GPX6: variants seen among roughly 807,000 people sequenced by gnomAD.
GPX6 encodes glutathione peroxidase 6, also known as glutathione peroxidase 6 (olfactory).
In GPX6, 21 loss-of-function variants were observed where a neutral mutation model predicts 20.0. The ratio of observed to expected loss-of-function variants is 1.05; its 90% CI spans 0.74 to 1.51. GPX6 has a LOEUF of 1.51. GPX6 is among the 40% of genes most tolerant of loss of function. GPX6 has a pLI of 0.00. For missense variants in GPX6, 233 were observed against 254.7 expected (o/e 0.91, Z 0.58); for synonymous variants, 75 against 98.0 (o/e 0.77, Z 1.38).
chr6:28,503,938 T>C lies in GPX6; in HGVS notation c.*354A>G. 1 of 222,186 alleles carries C rather than the reference T, an allele frequency of 4.5e-6. No homozygotes were observed. The allele number at this position is 222,186 out of a possible 1,614,324, so 13.8% of individuals were successfully genotyped here. On this transcript the variant is annotated 3_prime_UTR_variant, in exon 5 of 5. Coordinates refer to ENST00000361902, the MANE Select transcript of GPX6 (RefSeq NM_182701.1). ...GGGACACAGGATAGTCTGATTCATC[T>C]ACCCTAAAATATGATTTTCCTTTGG...
chr6:28,511,487 A>T (rs1448082576), intron 1 of GPX6, among the ~76,000 whole-genome samples: 1 of 152,216 alleles, frequency 6.6e-6, no homozygotes, highest in Non-Finnish European at 1.5e-5. Context: ...GCCTGTGCCT[A>T]CGGACCTACA....
At chr6:28,512,703 T>A (rs1218770752) in intron 1 of GPX6, among the ~76,000 whole-genome samples, 1 of 152,180 alleles carries the variant, frequency 6.6e-6, no homozygotes, top group Non-Finnish European at 1.5e-5. Context: ...TTGCTGCTGC[T>A]CATTCTTGGG....
rs182964432 is a variant in GPX6 at position 28,504,196 on chromosome 6, C to T, written c.*96G>A. ...TGGTCATCAGGAGGCTGGGTAGGCA[C>T]GAGTGTGGAGCAAAGAAGGAGGAAG... is the stretch of plus-strand genomic sequence containing the variant. On this transcript the variant is annotated 3_prime_UTR_variant, in exon 5 of 5. Transcript: ENST00000361902. The T allele has an allele frequency of 6.4e-4, 797 of 1,246,874 alleles. 2 individuals carry two copies. The highest frequency in any genetic ancestry group is 2.6e-3 in the Admixed American group (142 of 54,314). 77.2% of individuals were successfully genotyped at this position (1,246,874 alleles called of 1,614,324 possible). A position where few individuals can be genotyped will look rare whatever the true frequency, so the allele number is the denominator to read the frequency against.
Position 28,506,342 on chromosome 6 carries a change from C to G in GPX6, c.329G>C (p.Gly110Ala). 6.2e-7 allele frequency: 1 copy of G among 1,613,202 alleles called. No homozygotes were observed. Among genetic ancestry groups the G allele is most frequent in the Non-Finnish European group, 8.5e-7 (1 of 1,179,178 alleles). ...PCNQFGKQEP[G>A]TNSEILLGLK... Reference sequence around the variant, plus strand: ...ACCAAGAAGTATTTCTGAGTTTGTTCCTGGTTCTTGTTTTCCAAACTGGTT... The same window carrying G: ...ACCAAGAAGTATTTCTGAGTTTGTTGCTGGTTCTTGTTTTCCAAACTGGTT... The change falls in exon 3 of 5, where the codon GGA (glycine) becomes GCA (alanine). Residue 110 changes from glycine to alanine, a missense_variant. Physicochemically the swap from Gly to Ala is moderately conservative, Grantham distance 60. Coordinates refer to ENST00000361902, the MANE Select transcript of GPX6 (RefSeq NM_182701.1).
intron 1 of GPX6, among the ~76,000 whole-genome samples, chr6:28,513,102 A>AG (rs1443094205): frequency 6.6e-6 from 1 of 152,224 alleles, no homozygotes; most frequent in African/African-American, 2.4e-5. Flanking sequence ...GCCGGGCTCC[A>AG]GGGAAAAACC....
intron 2 of GPX6, among the ~76,000 whole-genome samples, chr6:28,510,056 G>C (rs35651056): frequency 0.018 from 2,720 of 152,304 alleles, 72 homozygotes; most frequent in African/African-American, 0.055. Flanking sequence ...TTAGCACTCT[G>C]CTAGGAAACA....
Position 28,506,348 on chromosome 6 carries a change from T to C in GPX6, c.323A>G (p.Glu108Gly), listed in dbSNP as rs777695118. 3.1e-6 allele frequency: 5 copies of C among 1,613,668 alleles called. No homozygotes were observed. Among genetic ancestry groups the C allele is most frequent in the Middle Eastern group, 1.6e-4 (1 of 6,084 alleles). Residue 108 changes from glutamate (E) to glycine (G), a missense_variant, in exon 3 of 5, where the codon GAA becomes GGA. Coordinates refer to ENST00000361902, the MANE Select transcript of GPX6 (RefSeq NM_182701.1). ...AAGTATTTCTGAGTTTGTTCCTGGT[T>C]CTTGTTTTCCAAACTGGTTGCAGGG... Reference protein sequence around the residue: ...AFPCNQFGKQEPGTNSEILLG... With the variant: ...AFPCNQFGKQGPGTNSEILLG...
chr6:28,511,017 G>T, intron 1 of GPX6, 113 bp from the exon 2 acceptor site: 1 of 870,088 alleles, frequency 1.1e-6, no homozygotes, highest in Non-Finnish European at 1.6e-6. Context: ...GAAATTCTAA[G>T]AACTGAAGGG....
At chr6:28,510,148 C>T (rs1762847145) in intron 2 of GPX6, among the ~76,000 whole-genome samples, 1 of 152,226 alleles carries the variant, frequency 6.6e-6, no homozygotes, top group African/African-American at 2.4e-5. Context: ...AACAAGGCCA[C>T]TGCATAATTG....
intron 1 of GPX6, among the ~76,000 whole-genome samples, chr6:28,513,858 T>C (rs1762974089): frequency 6.6e-6 from 1 of 152,146 alleles, no homozygotes; most frequent in African/African-American, 2.4e-5. Flanking sequence ...AAGAAACTCT[T>C]TATCATCTTC....
chr6:28,505,927 A>T (rs1440633772), intron 3 of GPX6, 125 bp from the exon 4 acceptor site: 3 of 707,200 alleles, frequency 4.2e-6, no homozygotes, highest in African/African-American at 3.6e-5. Context: ...CACAGGGAAG[A>T]TAAGAAAAGA....
At chr6:28,513,459 C>T (rs144145810) in intron 1 of GPX6, among the ~76,000 whole-genome samples, 61 of 152,236 alleles carry the variant, frequency 4.0e-4, no homozygotes, top group African/African-American at 1.3e-3. Context: ...ACTGAAGCAG[C>T]GAGCCACACG....
chr6:28,510,889 C>A lies in GPX6; in HGVS notation c.103G>T (p.Gly35Trp), dbSNP rs758789055. The change falls in exon 2 of 5, where the codon GGG (glycine) becomes TGG (tryptophan). Residue 35 changes from glycine to tryptophan, a missense_variant. Coordinates refer to ENST00000361902, the MANE Select transcript of GPX6 (RefSeq NM_182701.1). ...TACTCATAGATGGTGCCTGTTACCC[C>A]TTTGTTGCAATCCACCTGGAATTTT... The part of the protein sequence containing the change: ...PQNRKVDCNK[G>W]VTGTIYEYGA... The A allele has an allele frequency of 1.2e-6, 2 of 1,606,108 alleles. No homozygotes were observed. Among genetic ancestry groups the A allele is most frequent in the Non-Finnish European group, 1.7e-6 (2 of 1,175,968 alleles).
At chr6:28,512,962 C>T (rs1581842049) in intron 1 of GPX6, among the ~76,000 whole-genome samples, 1 of 151,952 alleles carries the variant, frequency 6.6e-6, no homozygotes, top group South Asian at 2.1e-4. Flanking sequence ...TCAGAAGGAA[C>T]AAATTCTGGA....
intron 1 of GPX6, among the ~76,000 whole-genome samples, chr6:28,514,954 T>A (rs1762997491): frequency 6.6e-6 from 1 of 152,090 alleles, no homozygotes; most frequent in African/African-American, 2.4e-5. Flanking sequence ...TTCACAGGGG[T>A]GACTATGGAC....
At position 28,505,778 on chromosome 6, in the gene GPX6, A is replaced by G. The variant is rs1460545277; in HGVS notation, c.384T>C (p.Phe128=). 1 of 1,613,908 alleles carries G rather than the reference A, an allele frequency of 6.2e-7. No individual in the cohort carries two copies. The highest frequency in any genetic ancestry group is 1.7e-5 in the Admixed American group (1 of 60,012). Residue 128 remains phenylalanine (F), a synonymous_variant, in exon 4 of 5, where the codon TTT becomes TTC. Transcript: ENST00000361902. The stretch of plus-strand genomic sequence containing the variant: ...TCTCAAAGAGCTGGAAACTGGGGAC[A>G]AAGCCACTACCTGGACACACATACC... ...GLKYVCPGSG[F]VPSFQLFEKG...
Position 28,504,005 on chromosome 6 carries a change from CT to C in GPX6, c.*286del. 1 of 367,086 alleles carries C rather than the reference CT, an allele frequency of 2.7e-6. No individual in the cohort carries two copies. The highest frequency in any genetic ancestry group is 4.9e-6 in the Non-Finnish European group (1 of 205,866). The allele number at this position is 367,086 out of a possible 1,614,324, so 22.7% of individuals were successfully genotyped here. A position where few individuals can be genotyped will look rare whatever the true frequency, so the allele number is the denominator to read the frequency against. On this transcript the variant is annotated 3_prime_UTR_variant, in exon 5 of 5. Coordinates refer to ENST00000361902, the MANE Select transcript of GPX6 (RefSeq NM_182701.1). ...TCAGAGAGTTGGAGAGATAGGTGTT[CT>C]TTTCCTTAATCTTCAAACACACACA... is the stretch of plus-strand genomic sequence containing the variant.
Position 28,510,789 on chromosome 6 carries a change from T to A in GPX6, c.203A>T (p.Asn68Ile). The A allele has an allele frequency of 1.2e-6, 2 of 1,614,108 alleles. No homozygotes were observed. The highest frequency in any genetic ancestry group is 1.7e-6 in the Non-Finnish European group (2 of 1,180,000). ...TGCCAAGCCTCAATAGGCGGCCACA[T>A]TGACAAACAGGACGTGCTTGCCTGC... ...QFAGKHVLFVNVAAYUGLAAQ... is the reference protein window; with the variant it reads ...QFAGKHVLFVIVAAYUGLAAQ... Residue 68 changes from asparagine (N) to isoleucine (I), a missense_variant, in exon 2 of 5, where the codon AAT becomes ATT. Asn to Ile is a moderately radical substitution (Grantham distance 149). Transcript: ENST00000361902.
chr6:28,512,121 C>T (rs939596154), intron 1 of GPX6, among the ~76,000 whole-genome samples: 1 of 152,258 alleles, frequency 6.6e-6, no homozygotes, highest in African/African-American at 2.4e-5. Flanking sequence ...AGCACCGCCC[C>T]CTGCTCCACG....
Sources: gnomAD v4.1 joint callset for allele counts (sites outside exome capture counted in the v4.1 genomes callset) on GRCh38, gnomAD v4.1.1 for gene constraint, MANE v1.5 for transcripts, NCBI Gene and HGNC (gene_info 2026-07-23, HGNC 2026-07-21) for gene names.